Variants in PDE4D observed in about 807,000 individuals in gnomAD.
The protein encoded by PDE4D is phosphodiesterase 4D.
In PDE4D, 24 loss-of-function variants were observed where a neutral mutation model predicts 87.4. The ratio of observed to expected loss-of-function variants is 0.27; its 90% confidence interval spans 0.20 to 0.39. The LOEUF (loss-of-function observed/expected upper bound fraction) is 0.39. PDE4D is among the 10% of genes least tolerant of loss of function. PDE4D has a pLI of 1.00. For synonymous variants in PDE4D, 384 were observed against 383.2 expected (o/e 1.00, Z -0.02); for missense variants, 714 against 1,041.0 (o/e 0.69, Z 4.32).
At position 59,053,645 on chromosome 5, in the gene PDE4D, G is replaced by GTTTTTTGTTTTT. The variant is rs1561396071; in HGVS notation, c.809-14675_809-14674insAAAAACAAAAAA. Among the ~76,000 whole-genome samples, 3 of 68,794 alleles carry GTTTTTTGTTTTT rather than the reference G, an allele frequency of 4.4e-5. 1 individual carries two copies. Among genetic ancestry groups the GTTTTTTGTTTTT allele is most frequent in the Admixed American group, 1.6e-4 (1 of 6,136 alleles). 45.1% of individuals were successfully genotyped at this position (68,794 alleles called of 152,430 possible). On this transcript the variant is annotated intron_variant, in intron 5 of 14. Transcript: ENST00000340635. ...TATGAATTAAGTTGTTTTGTTTTTTGTTTTTTTTTGTTGTTGTTTTTTTTT... is the reference window on the plus strand; with the variant it reads ...TATGAATTAAGTTGTTTTGTTTTTTGTTTTTTGTTTTTTTTTTTTTTGTTGTTGTTTTTTTTT...
chr5:60,368,697 G>A (rs1760762332), intron 1 of PDE4D, among the ~76,000 whole-genome samples: 1 of 152,092 alleles, frequency 6.6e-6, no homozygotes, highest in South Asian at 2.1e-4. Context: ...TGCATCATGG[G>A]GGCGGGATGT....
chr5:60,397,874 A>T (rs1762989600), intron 1 of PDE4D, among the ~76,000 whole-genome samples: 1 of 152,216 alleles, frequency 6.6e-6, no homozygotes, highest in Non-Finnish European at 1.5e-5. Flanking sequence ...TAATTTAATC[A>T]CATTATAGGC....
chr5:60,381,738 C>T (rs1761874727), intron 1 of PDE4D, among the ~76,000 whole-genome samples: 1 of 151,996 alleles, frequency 6.6e-6, no homozygotes, highest in African/African-American at 2.4e-5. Context: ...CTTCCATATC[C>T]AGGTAGGAAC....
At chr5:60,303,069 T>C (rs1754068515) in intron 1 of PDE4D, among the ~76,000 whole-genome samples, 1 of 152,112 alleles carries the variant, frequency 6.6e-6, no homozygotes. Flanking sequence ...GCTCAAATGA[T>C]CCGCTCACCT....
chr5:59,766,304 T>A (rs755716590), intron 1 of PDE4D, among the ~76,000 whole-genome samples: 1 of 152,206 alleles, frequency 6.6e-6, no homozygotes, highest in Non-Finnish European at 1.5e-5. Context: ...TACCATGATT[T>A]TTATTTCTGG....
rs573557997 is a variant in PDE4D, at chr5:59,467,008, C to T, written c.456-251040G>A. Among the ~76,000 whole-genome samples, 5 of 152,184 alleles carry T rather than the reference C, an allele frequency of 3.3e-5. No homozygotes were observed. The South Asian group carries it at 8.3e-4, about 25-fold the overall frequency. ...TAAGTTGAGGTCATAAGTGTGGGCCCTAATCAAATGTGACGTTGTTATAAG... is the reference window on the plus strand; with the variant it reads ...TAAGTTGAGGTCATAAGTGTGGGCCTTAATCAAATGTGACGTTGTTATAAG... On this transcript the variant is annotated intron_variant, in intron 1 of 14. Coordinates refer to ENST00000340635, the MANE Select transcript of PDE4D (RefSeq NM_001104631.2).
intron 1 of PDE4D, among the ~76,000 whole-genome samples, chr5:59,413,499 T>C (rs1187348772): frequency 6.9e-6 from 1 of 145,302 alleles, no homozygotes; most frequent in Non-Finnish European, 1.5e-5. Context: ...CATGGTTGTC[T>C]TGTTGCAGGT....
chr5:59,730,630 TATAA>T (rs1185305650), intron 1 of PDE4D, among the ~76,000 whole-genome samples: 1 of 152,110 alleles, frequency 6.6e-6, no homozygotes, highest in East Asian at 1.9e-4. Flanking sequence ...TTGGATCAGC[TATAA>T]ATAGTCACAA....
chr5:60,465,450 A>T (rs1007787128), intron 1 of PDE4D, among the ~76,000 whole-genome samples: 1 of 152,190 alleles, frequency 6.6e-6, no homozygotes, highest in Non-Finnish European at 1.5e-5. Context: ...AAAGTTTGGA[A>T]GGATGTGCAT....
At chr5:59,952,398 A>G (rs1029021722) in intron 3 of PDE4D, among the ~76,000 whole-genome samples, 1 of 152,154 alleles carries the variant, frequency 6.6e-6, no homozygotes, top group African/African-American at 2.4e-5. Context: ...CGTCACTTCA[A>G]GCTCTAAGCT....
At chr5:60,444,404 C>T (rs1745476345) in intron 1 of PDE4D, among the ~76,000 whole-genome samples, 1 of 152,122 alleles carries the variant, frequency 6.6e-6, no homozygotes, top group South Asian at 2.1e-4. Context: ...GCAGTGGGCT[C>T]TGTGGTTACA....
intron 1 of PDE4D, among the ~76,000 whole-genome samples, chr5:60,329,231 G>A (rs557616232): frequency 4.6e-5 from 7 of 152,298 alleles, no homozygotes; most frequent in African/African-American, 1.7e-4. Flanking sequence ...CCCAGTAGGA[G>A]GTCATTGAAT....
At chr5:59,926,483 G>C (rs1755299461) in intron 3 of PDE4D, among the ~76,000 whole-genome samples, 1 of 151,990 alleles carries the variant, frequency 6.6e-6, no homozygotes, top group African/African-American at 2.4e-5. Context: ...CCAAAAACGA[G>C]CAGAAGAAAA....
At chr5:59,413,835 T>A (rs1410126528) in intron 1 of PDE4D, among the ~76,000 whole-genome samples, 2 of 152,218 alleles carry the variant, frequency 1.3e-5, no homozygotes, top group African/African-American at 4.8e-5. Flanking sequence ...CCTCCTAGAA[T>A]GATGCTTTCT....
In PDE4D at chr5:60,518,121, T is replaced by A. The variant is rs576563513; in HGVS notation, n.70+3930A>T. Among the ~76,000 whole-genome samples, 4 of 152,350 alleles carry A rather than the reference T, an allele frequency of 2.6e-5. No homozygotes were observed. In the East Asian group the frequency reaches 7.7e-4, roughly 29 times the overall value. ...CAGCCTCACAGGGAGCTAGCACTTG[T>A]GTCGGCATCTGGAGCTGCCTGCCCT... On this transcript the variant is annotated intron_variant and non_coding_transcript_variant, in intron 1 of 2. Transcript: ENST00000506510.
At chr5:60,039,391 C>G (rs10461445) in intron 2 of PDE4D, among the ~76,000 whole-genome samples, 67,316 of 145,152 alleles carry the variant, frequency 0.46, 15,557 homozygotes, top group East Asian at 0.77. Context: ...ACAATGAGAA[C>G]ACATGGACAC....
chr5:59,734,063 G>A (rs1757746060), intron 1 of PDE4D, among the ~76,000 whole-genome samples: 1 of 151,916 alleles, frequency 6.6e-6, no homozygotes, highest in Admixed American at 6.6e-5. Flanking sequence ...CAATTTCATG[G>A]TCTGATGTAA....
intron 2 of PDE4D, among the ~76,000 whole-genome samples, chr5:60,066,832 T>A (rs1424636631): frequency 6.6e-6 from 1 of 152,126 alleles, no homozygotes; most frequent in Non-Finnish European, 1.5e-5. Flanking sequence ...AAAACTGTTG[T>A]GCTTTTATCT....
intron 1 of PDE4D, among the ~76,000 whole-genome samples, chr5:59,272,528 C>A (rs1764013042): frequency 6.6e-6 from 1 of 151,144 alleles, no homozygotes; most frequent in South Asian, 2.1e-4. Context: ...TTCATGCAGG[C>A]ACATTTTTTT....
Sources: allele counts gnomAD v4.1 joint callset (sites outside exome capture counted in the v4.1 genomes callset), GRCh38; gene constraint gnomAD v4.1.1; transcripts MANE v1.5; gene names NCBI Gene and HGNC (gene_info 2026-07-23, HGNC 2026-07-21).